Variants in WDR88 observed in about 807,000 individuals in gnomAD.
WDR88 encodes the protein WD repeat domain 88.
WDR88 carries 40 observed loss-of-function variants against 46.8 expected under a neutral mutation model. The observed-to-expected ratio is 0.86, with a 90% confidence interval of 0.66 to 1.11. The LOEUF (loss-of-function observed/expected upper bound fraction) is 1.11, where lower values mean the gene tolerates loss of function less well. Ranked by LOEUF, WDR88 falls within the 50% of genes most tolerant of loss-of-function variation. The pLI is 0.00. For missense variants in WDR88, 562 were observed against 602.4 expected (o/e 0.93, Z 0.70); for synonymous variants, 235 against 240.7 (o/e 0.98, Z 0.22).
At chr19:33,134,261 C>T (rs1035410719) in intron 1 of WDR88, among the ~76,000 whole-genome samples, 1 of 152,022 alleles carries the variant, frequency 6.6e-6, no homozygotes, top group Non-Finnish European at 1.5e-5. Context: ...GGAATGGTTC[C>T]CCCCTCTTGC....
Position 33,172,336 on chromosome 19 carries a change from T to C in WDR88, c.1150-12T>C. The C allele has an allele frequency of 6.2e-7, 1 of 1,606,914 alleles. No homozygotes were observed. The highest frequency in any genetic ancestry group is 2.2e-5 in the East Asian group (1 of 44,840). On this transcript the variant is annotated splice_polypyrimidine_tract_variant and intron_variant, in intron 9 of 10. Transcript: ENST00000355868. ...GCCTGTTTTGTGACCGCTGGTTTGC[T>C]ATTTGTTTTAGGATAGGACCATGAG...
intron 7 of WDR88, among the ~76,000 whole-genome samples, chr19:33,159,650 G>A (rs1017772718): frequency 3.9e-5 from 6 of 152,082 alleles, no homozygotes; most frequent in Non-Finnish European, 7.4e-5. Flanking sequence ...CCCTAGGAGC[G>A]ATGGTTCAGT....
intron 2 of WDR88, among the ~76,000 whole-genome samples, chr19:33,140,943 T>G (rs1395019698): frequency 6.6e-6 from 1 of 150,656 alleles, no homozygotes; most frequent in Non-Finnish European, 1.5e-5. Flanking sequence ...ACATTTTTTT[T>G]TTTTTTTTTT....
chr19:33,146,958 C>T (rs1599889958), intron 3 of WDR88, among the ~76,000 whole-genome samples: 1 of 151,920 alleles, frequency 6.6e-6, no homozygotes, highest in Non-Finnish European at 1.5e-5. Flanking sequence ...CATAGGCAGG[C>T]CAGGCGTGGT....
intron 1 of WDR88, among the ~76,000 whole-genome samples, chr19:33,134,304 T>C (rs906814520): frequency 6.6e-6 from 1 of 151,980 alleles, no homozygotes; most frequent in African/African-American, 2.4e-5. Flanking sequence ...TCTAGGTTTT[T>C]TGTTTTCCTA....
At chr19:33,140,963 G>A (rs1408129113) in intron 2 of WDR88, among the ~76,000 whole-genome samples, 3 of 144,126 alleles carry the variant, frequency 2.1e-5, no homozygotes, top group East Asian at 4.0e-4. Context: ...TTGAGACAGG[G>A]TCTTGCTCTA....
At chr19:33,164,063 G>A (rs1973914515) in intron 8 of WDR88, 134 bp from the exon 9 acceptor site, 1 of 706,474 alleles carries the variant, frequency 1.4e-6, no homozygotes, top group Non-Finnish European at 2.5e-6. Flanking sequence ...TCCACCTCCT[G>A]GGCTCAGGTG....
At position 33,132,439 on chromosome 19, in the gene WDR88, C is replaced by G. The variant is rs577646792; in HGVS notation, c.270C>G (p.Leu90=). 30 of 1,613,584 alleles carry G rather than the reference C, an allele frequency of 1.9e-5. No homozygotes were observed. The highest frequency in any genetic ancestry group is 2.5e-5 in the Non-Finnish European group (29 of 1,179,826). ...TGATCTGGGGCGACCAGGACCCTCT[C>G]TCCAAGGTCAGAACCGCCGCTGGGG... ...EKLIWGDQDP[L]SKIPFKILSG... The change falls in exon 1 of 11, where the codon CTC becomes CTG. Residue 90 remains leucine (L), a synonymous_variant. Coordinates refer to ENST00000355868, the MANE Select transcript of WDR88 (RefSeq NM_173479.4).
chr19:33,168,235 C>G (rs1973985814), intron 9 of WDR88, among the ~76,000 whole-genome samples: 1 of 151,432 alleles, frequency 6.6e-6, no homozygotes, highest in Non-Finnish European at 1.5e-5. Context: ...ACCATGTTGG[C>G]AAGGGTGGTC....
intron 5 of WDR88, among the ~76,000 whole-genome samples, chr19:33,149,907 G>A (rs370335459): frequency 1.3e-5 from 2 of 151,936 alleles, no homozygotes; most frequent in African/African-American, 2.4e-5. Flanking sequence ...TGATCTGCCC[G>A]CCTTGGTCTC....
chr19:33,148,621 T>C (rs1221131019), intron 4 of WDR88, 151 bp from the exon 5 acceptor site: 14 of 933,842 alleles, frequency 1.5e-5, no homozygotes, highest in Admixed American at 4.6e-5. Flanking sequence ...TTTACTTTTG[T>C]AGAGATGGAG....
chr19:33,138,512 T>C (rs2145364966), intron 2 of WDR88, among the ~76,000 whole-genome samples: 1 of 152,094 alleles, frequency 6.6e-6, no homozygotes, highest in African/African-American at 2.4e-5. Context: ...TACTCCTGGC[T>C]AATTTTATTT....
At chr19:33,164,349 T>C in intron 9 of WDR88, 84 bp downstream of exon 9, 1 of 1,370,822 alleles carries the variant, frequency 7.3e-7, no homozygotes, top group Non-Finnish European at 1.0e-6. Flanking sequence ...ATAAAATTCC[T>C]GGGTGGGTTC....
intron 7 of WDR88, among the ~76,000 whole-genome samples, chr19:33,158,497 T>C (rs1403178125): frequency 6.6e-6 from 1 of 152,218 alleles, no homozygotes; most frequent in Non-Finnish European, 1.5e-5. Context: ...GATTCTGTAT[T>C]TGTGAAGTCA....
chr19:33,172,065 T>C (rs1974048015), intron 9 of WDR88, among the ~76,000 whole-genome samples: 2 of 152,190 alleles, frequency 1.3e-5, no homozygotes, highest in East Asian at 1.9e-4. Flanking sequence ...CGCCTGGCCA[T>C]ACAGAATAGT....
chr19:33,175,677 T>C lies in WDR88; in HGVS notation c.*105T>C. On this transcript the variant is annotated 3_prime_UTR_variant, in exon 11 of 11. Transcript: ENST00000355868. ...GGGCCCCTCCCAGGCTCAGCAGGCC[T>C]GTCAGACTGGGGCAGGACCCAAGCC... 7.0e-7 allele frequency: 1 copy of C among 1,419,434 alleles called. No individual in the cohort carries two copies. The highest frequency in any genetic ancestry group is 1.3e-5 in the South Asian group (1 of 76,948). The allele number at this position is 1,419,434 out of a possible 1,614,324, so 87.9% of individuals were successfully genotyped here.
chr19:33,146,220 C>T (rs573059765), intron 3 of WDR88, among the ~76,000 whole-genome samples: 3 of 152,258 alleles, frequency 2.0e-5, no homozygotes, highest in South Asian at 2.1e-4. Flanking sequence ...TGCTTGAACT[C>T]GGGAGGTGGA....
intron 1 of WDR88, among the ~76,000 whole-genome samples, chr19:33,133,017 T>G (rs28729953): frequency 6.6e-6 from 1 of 151,448 alleles, no homozygotes; most frequent in Non-Finnish European, 1.5e-5. Flanking sequence ...CTTAGCCCAG[T>G]GTGATGGGGC....
chr19:33,132,456 C>A lies in WDR88; in HGVS notation c.276+11C>A. ...GACCCTCTCTCCAAGGTCAGAACCG[C>A]CGCTGGGGTGAGGGGGCACTGGCCT... On this transcript the variant is annotated intron_variant, in intron 1 of 10. Transcript: ENST00000355868. 1 of 1,612,740 alleles carries A rather than the reference C, an allele frequency of 6.2e-7. No individual in the cohort carries two copies. The highest frequency in any genetic ancestry group is 8.5e-7 in the Non-Finnish European group (1 of 1,179,114).
Sources: gnomAD v4.1 joint callset for allele counts (sites outside exome capture counted in the v4.1 genomes callset) on GRCh38, gnomAD v4.1.1 for gene constraint, MANE v1.5 for transcripts, NCBI Gene and HGNC (gene_info 2026-07-23, HGNC 2026-07-21) for gene names.